Variants in NKAIN2 observed in about 807,000 individuals in gnomAD.
NKAIN2 encodes the protein sodium/potassium transporting ATPase interacting 2.
Under a neutral mutation model 32.6 loss-of-function variants are expected in NKAIN2, and 14 were observed. The observed-to-expected ratio is 0.43, with a 90% confidence interval of 0.28 to 0.67. NKAIN2 has a LOEUF of 0.67. NKAIN2 is among the 30% of genes least tolerant of loss of function. The probability of loss-of-function intolerance (pLI) is 0.17; values close to 1 mark genes in which losing one functional copy is unlikely to be tolerated. For synonymous variants in NKAIN2, 80 were observed against 87.2 expected, an observed-to-expected ratio of 0.92 and a Z score of 0.46; for missense variants, 198 against 258.3, an observed-to-expected ratio of 0.77 and a Z score of 1.60.
intron 3 of NKAIN2, among the ~76,000 whole-genome samples, chr6:124,595,102 G>A (rs1418084681): frequency 6.6e-6 from 1 of 152,144 alleles, no homozygotes; most frequent in African/African-American, 2.4e-5. Context: ...TATGTAAGAA[G>A]GTGTGGGGAC....
At chr6:124,203,021 C>T (rs943962905) in intron 1 of NKAIN2, among the ~76,000 whole-genome samples, 2 of 151,832 alleles carry the variant, frequency 1.3e-5, no homozygotes, top group Non-Finnish European at 1.5e-5. Flanking sequence ...TAGTATAGCT[C>T]TGTCATATAA....
At chr6:124,115,745 A>G (rs1285860126) in intron 1 of NKAIN2, among the ~76,000 whole-genome samples, 2 of 152,078 alleles carry the variant, frequency 1.3e-5, no homozygotes, top group Non-Finnish European at 2.9e-5. Flanking sequence ...ATATACCATT[A>G]TTTTATGTAG....
chr6:123,872,928 A>C (rs1242618521), intron 1 of NKAIN2, among the ~76,000 whole-genome samples: 1 of 152,216 alleles, frequency 6.6e-6, no homozygotes, highest in Non-Finnish European at 1.5e-5. Context: ...ACATTCTGGT[A>C]TCACACACGT....
chr6:124,405,747 A>G (rs989283625), intron 3 of NKAIN2, among the ~76,000 whole-genome samples: 4 of 151,998 alleles, frequency 2.6e-5, no homozygotes, highest in African/African-American at 9.7e-5. Flanking sequence ...AAAGAGTGTG[A>G]TATCCCCCCA....
chr6:123,845,042 C>G (rs1401023249), intron 1 of NKAIN2, among the ~76,000 whole-genome samples: 1 of 152,042 alleles, frequency 6.6e-6, no homozygotes. Flanking sequence ...CCTTAAACAC[C>G]AATTGAACAG....
intron 4 of NKAIN2, among the ~76,000 whole-genome samples, chr6:124,732,667 A>AG (rs1776741410): frequency 6.6e-6 from 1 of 152,054 alleles, no homozygotes; most frequent in Non-Finnish European, 1.5e-5. Flanking sequence ...GGATGGTGAT[A>AG]TCCTGGTTGT....
At chr6:124,021,433 A>G (rs1466267882) in intron 1 of NKAIN2, among the ~76,000 whole-genome samples, 2 of 151,988 alleles carry the variant, frequency 1.3e-5, no homozygotes, top group Non-Finnish European at 2.9e-5. Flanking sequence ...TCTAGTAATA[A>G]TTATTACCTA....
intron 1 of NKAIN2, among the ~76,000 whole-genome samples, chr6:124,137,217 A>G (rs756158474): frequency 2.6e-5 from 4 of 152,108 alleles, no homozygotes; most frequent in Admixed American, 2.6e-4. Context: ...ACCAACAACA[A>G]CCAAACTGAG....
At chr6:124,368,680 A>G (rs1257370745) in intron 3 of NKAIN2, among the ~76,000 whole-genome samples, 1 of 152,128 alleles carries the variant, frequency 6.6e-6, no homozygotes, top group Non-Finnish European at 1.5e-5. Flanking sequence ...GAGTTGTTTG[A>G]AACTTAGCTG....
intron 3 of NKAIN2, among the ~76,000 whole-genome samples, chr6:124,514,436 G>A (rs886327944): frequency 3.3e-5 from 5 of 152,138 alleles, no homozygotes; most frequent in South Asian, 2.1e-4. Context: ...GCATCTGGAC[G>A]TTTATTAGAA....
At chr6:124,097,580 GTTAT>G (rs1367266584) in intron 1 of NKAIN2, among the ~76,000 whole-genome samples, 1 of 152,108 alleles carries the variant, frequency 6.6e-6, no homozygotes, top group Non-Finnish European at 1.5e-5. Context: ...TGATTTCTCA[GTTAT>G]TTGTTAGCTA....
intron 1 of NKAIN2, among the ~76,000 whole-genome samples, chr6:124,189,394 G>T (rs1020438550): frequency 2.6e-5 from 4 of 152,000 alleles, no homozygotes; most frequent in Non-Finnish European, 5.9e-5. Flanking sequence ...GTGTGATGTG[G>T]TTATTCATGT....
intron 3 of NKAIN2, among the ~76,000 whole-genome samples, chr6:124,598,296 AT>A (rs1346411709): frequency 1.3e-5 from 2 of 152,196 alleles, no homozygotes; most frequent in East Asian, 3.8e-4. Flanking sequence ...GATCAAGAGC[AT>A]AAAACTTGTT....
intron 1 of NKAIN2, among the ~76,000 whole-genome samples, chr6:124,211,778 G>A (rs1253609625): frequency 6.6e-6 from 1 of 151,900 alleles, no homozygotes; most frequent in Non-Finnish European, 1.5e-5. Context: ...AGATTTTTTT[G>A]TCTGTACAGT....
intron 3 of NKAIN2, among the ~76,000 whole-genome samples, chr6:124,394,392 T>C (rs1016929295): frequency 6.6e-6 from 1 of 152,008 alleles, no homozygotes; most frequent in African/African-American, 2.4e-5. Flanking sequence ...AAGTAAAACA[T>C]GACCTCCTAA....
At chr6:123,943,422 A>G (rs1374518025) in intron 1 of NKAIN2, among the ~76,000 whole-genome samples, 4 of 152,058 alleles carry the variant, frequency 2.6e-5, no homozygotes, top group Non-Finnish European at 4.4e-5. Context: ...AAGATATGAT[A>G]AAATCATCTT....
intron 3 of NKAIN2, among the ~76,000 whole-genome samples, chr6:124,535,702 C>A (rs1227054355): frequency 6.6e-6 from 1 of 152,150 alleles, no homozygotes; most frequent in Non-Finnish European, 1.5e-5. Context: ...GCACCAGTGA[C>A]CTGAAATAAT....
At chr6:124,680,508 C>A (rs964853760) in intron 4 of NKAIN2, among the ~76,000 whole-genome samples, 4 of 152,056 alleles carry the variant, frequency 2.6e-5, no homozygotes, top group Non-Finnish European at 5.9e-5. Flanking sequence ...TAGGAACTGG[C>A]ATAAATGTCA....
At chr6:124,367,609 T>C (rs911959) in intron 3 of NKAIN2, among the ~76,000 whole-genome samples, 36,179 of 152,040 alleles carry the variant, frequency 0.24, 4,368 homozygotes, top group Admixed American at 0.3. Flanking sequence ...GCCTAAGTTA[T>C]TTCATCCCTA....
Sources: allele counts gnomAD v4.1 joint callset (sites outside exome capture counted in the v4.1 genomes callset), GRCh38; gene constraint gnomAD v4.1.1; transcripts MANE v1.5; gene names NCBI Gene and HGNC (gene_info 2026-07-23, HGNC 2026-07-21).